Variants in SMAD2 observed in about 807,000 individuals in gnomAD.
SMAD2 encodes SMAD family member 2, also known as MAD homolog 2.
Under a neutral mutation model 64.4 loss-of-function variants are expected in SMAD2, and 8 were observed. That is an observed-to-expected ratio of 0.12 (90% CI 0.07 to 0.22). The LOEUF (loss-of-function observed/expected upper bound fraction) is 0.22. Ranked by LOEUF, SMAD2 falls within the 10% of genes least tolerant of loss-of-function variation. SMAD2 has a pLI of 1.00. For missense variants in SMAD2, 289 were observed against 561.2 expected (o/e 0.51, Z 4.90); for synonymous variants, 203 against 195.8 (o/e 1.04, Z -0.31).
chr18:47,894,600 T>C (rs1338380524), intron 2 of SMAD2, among the ~76,000 whole-genome samples: 1 of 152,130 alleles, frequency 6.6e-6, no homozygotes, highest in Non-Finnish European at 1.5e-5. Flanking sequence ...AATTCCTCCT[T>C]TACCCCGCTC....
intron 1 of SMAD2, among the ~76,000 whole-genome samples, chr18:47,924,200 A>G (rs2034670987): frequency 6.7e-6 from 1 of 148,346 alleles, no homozygotes; most frequent in Admixed American, 6.9e-5. Context: ...GTGAGCCAAG[A>G]TCGCACCACT....
rs1912372397 is a variant in SMAD2 at position 47,816,500 on chromosome 18, CAA to C, written c.*25325_*25326del. On this transcript the variant is annotated 3_prime_UTR_variant, in exon 11 of 11. Coordinates refer to ENST00000262160, the MANE Select transcript of SMAD2 (RefSeq NM_005901.6). ...TAATTTGGCACATTTAATACACGTCCAATATATTTTCTATGTACTGTGAAAGC... is the reference window on the plus strand; with the variant it reads ...TAATTTGGCACATTTAATACACGTCCTATATTTTCTATGTACTGTGAAAGC... The C allele has an allele frequency of 6.6e-6, 1 of 152,080 alleles. No individual in the cohort carries two copies. Among genetic ancestry groups the C allele is most frequent in the Non-Finnish European group, 1.5e-5 (1 of 68,018 alleles). 9.4% of individuals were successfully genotyped at this position (152,080 alleles called of 1,614,324 possible).
At position 47,930,473 on chromosome 18, in the gene SMAD2, A is replaced by T. The variant is rs1167326055; in HGVS notation, c.-166T>A. On this transcript the variant is annotated 5_prime_UTR_variant, in exon 1 of 11. Transcript: ENST00000262160. ...TGGGAGGGGAAGAGGGGAATGGGCG[A>T]TTGGAGGCGGAACTGAAAACACTCC... 6.6e-6 allele frequency: 1 copy of T among 150,792 alleles called. No individual in the cohort carries two copies. Among genetic ancestry groups the T allele is most frequent in the Non-Finnish European group, 1.5e-5 (1 of 67,706 alleles). 9.3% of individuals were successfully genotyped at this position (150,792 alleles called of 1,614,324 possible).
chr18:47,890,843 CT>C (rs1363833514), intron 2 of SMAD2, among the ~76,000 whole-genome samples: 1 of 152,118 alleles, frequency 6.6e-6, no homozygotes, highest in Non-Finnish European at 1.5e-5. Context: ...TGGAAGAATA[CT>C]ACAGTTTGGG....
intron 1 of SMAD2, among the ~76,000 whole-genome samples, chr18:47,900,951 TA>T (rs1247986060): frequency 6.6e-6 from 1 of 152,190 alleles, no homozygotes; most frequent in Non-Finnish European, 1.5e-5. Context: ...AAATCAATGA[TA>T]TTTGCTGAGG....
chr18:47,810,545 C>T lies in SMAD2; in HGVS notation c.*31282G>A, dbSNP rs1415540567. The T allele has an allele frequency of 6.6e-6, 1 of 152,158 alleles. No homozygotes were observed. The highest frequency in any genetic ancestry group is 2.4e-5 in the African/African-American group (1 of 41,428). The allele number at this position is 152,158 out of a possible 1,614,324, so 9.4% of individuals were successfully genotyped here. On this transcript the variant is annotated 3_prime_UTR_variant, in exon 11 of 11. Coordinates refer to ENST00000262160, the MANE Select transcript of SMAD2 (RefSeq NM_005901.6). ...CCTGTGACAGCAAATCAAGGTCCTC[C>T]CAAATAAAAAGTATCTTTTTCCTAC...
In SMAD2 at chr18:47,841,029, ATTACTGGT is replaced by A; in HGVS notation, c.*790_*797del. The stretch of plus-strand genomic sequence containing the variant: ...TGGTGCCAGCAGTATCAATGCAACT[ATTACTGGT>A]GATGATGTCATGTTATGCTGTTTTG... On this transcript the variant is annotated 3_prime_UTR_variant, in exon 11 of 11. Transcript: ENST00000262160. 4.3e-6 allele frequency: 1 copy of A among 232,170 alleles called. No individual in the cohort carries two copies. The highest frequency in any genetic ancestry group is 1.8e-4 in the South Asian group (1 of 5,522). 14.4% of individuals were successfully genotyped at this position (232,170 alleles called of 1,614,324 possible).
chr18:47,855,681 T>C (rs1200832754), intron 6 of SMAD2, among the ~76,000 whole-genome samples: 5 of 152,098 alleles, frequency 3.3e-5, no homozygotes, highest in Non-Finnish European at 5.9e-5. Flanking sequence ...GAGGGCAGTG[T>C]CACAATCTTG....
chr18:47,824,727 C>T lies in SMAD2; in HGVS notation c.*17100G>A, dbSNP rs1912688643. 1 of 152,022 alleles carries T rather than the reference C, an allele frequency of 6.6e-6. No homozygotes were observed. Among genetic ancestry groups the T allele is most frequent in the African/African-American group, 2.4e-5 (1 of 41,382 alleles). 9.4% of individuals were successfully genotyped at this position (152,022 alleles called of 1,614,324 possible). Reference sequence around the variant, plus strand: ...CAGTATACTCAATTTTAAATATAGACAGTATATTTAAAAAAAACATAAAAA... The same window carrying T: ...CAGTATACTCAATTTTAAATATAGATAGTATATTTAAAAAAAACATAAAAA... On this transcript the variant is annotated 3_prime_UTR_variant, in exon 11 of 11. Coordinates refer to ENST00000262160, the MANE Select transcript of SMAD2 (RefSeq NM_005901.6).
rs1243013259 is a variant in SMAD2, at chr18:47,869,868, TGTGATA to T, written c.327-438_327-433del. ...GAAGAATGATAAATACCAACAATGA[TGTGATA>T]GTAACTTCCTCAGACTACTGCAACT... On this transcript the variant is annotated intron_variant, in intron 3 of 10. Coordinates refer to ENST00000262160, the MANE Select transcript of SMAD2 (RefSeq NM_005901.6). 3.3e-5 allele frequency among the ~76,000 whole-genome samples: 5 copies of T among 152,264 alleles called. No individual in the cohort carries two copies. In the East Asian group the frequency reaches 9.7e-4, roughly 29 times the overall value.
At chr18:47,924,869 G>A (rs1006637219) in intron 1 of SMAD2, among the ~76,000 whole-genome samples, 6 of 152,222 alleles carry the variant, frequency 3.9e-5, no homozygotes, top group Non-Finnish European at 8.8e-5. Flanking sequence ...GGAAGTAGCT[G>A]AAGCAGCATA....
chr18:47,845,337 T>C lies in SMAD2; in HGVS notation c.1280+3A>G. On this transcript the variant is annotated splice_donor_region_variant and intron_variant, in intron 10 of 10. Coordinates refer to ENST00000262160, the MANE Select transcript of SMAD2 (RefSeq NM_005901.6). ...ATTTAAGAACCAAATATGTATTTCA[T>C]ACCGGTATTCTGCTCCCCACCCTTT... 1 of 1,613,122 alleles carries C rather than the reference T, an allele frequency of 6.2e-7. No homozygotes were observed. The highest frequency in any genetic ancestry group is 8.5e-7 in the Non-Finnish European group (1 of 1,179,196).
At chr18:47,895,628 A>G (rs1390420757) in intron 2 of SMAD2, 1 of 152,224 alleles carries the variant, frequency 6.6e-6, no homozygotes, top group East Asian at 1.9e-4. Context: ...ATATACATAA[A>G]ACAAGTAAGG....
At chr18:47,865,846 G>A (rs1206324383) in intron 5 of SMAD2, among the ~76,000 whole-genome samples, 3 of 152,226 alleles carry the variant, frequency 2.0e-5, no homozygotes, top group African/African-American at 7.2e-5. Flanking sequence ...GTTCAGAAAG[G>A]TATCTGAATA....
At chr18:47,873,059 T>C (rs543614098) in intron 2 of SMAD2, among the ~76,000 whole-genome samples, 2 of 152,224 alleles carry the variant, frequency 1.3e-5, no homozygotes, top group Admixed American at 6.5e-5. Flanking sequence ...ACAAAGTCTC[T>C]TGAGTCCTGG....
At chr18:47,857,057 C>T (rs1471743438) in intron 6 of SMAD2, among the ~76,000 whole-genome samples, 1 of 151,912 alleles carries the variant, frequency 6.6e-6, no homozygotes, top group Admixed American at 6.6e-5. Context: ...CGGGGTTTCA[C>T]CGTTTTAGCC....
intron 4 of SMAD2, 54 bp downstream of exon 4, chr18:47,869,189 C>A (rs2144376934): frequency 7.6e-7 from 1 of 1,308,446 alleles, no homozygotes. Context: ...CTTAAATATA[C>A]TGAAGTTCAG....
intron 1 of SMAD2, among the ~76,000 whole-genome samples, chr18:47,922,230 G>C (rs1437858822): frequency 2.6e-5 from 4 of 152,148 alleles, no homozygotes; most frequent in African/African-American, 9.7e-5. Context: ...GAAAACCAAA[G>C]TTAATTATTT....
In SMAD2 at chr18:47,824,481, G is replaced by C. The variant is rs373287889; in HGVS notation, c.*17346C>G. 6.6e-6 allele frequency: 1 copy of C among 152,134 alleles called. No individual in the cohort carries two copies. The highest frequency in any genetic ancestry group is 2.4e-5 in the African/African-American group (1 of 41,422). 9.4% of individuals were successfully genotyped at this position (152,134 alleles called of 1,614,324 possible). Reference sequence around the variant, plus strand: ...ATCTTTATCTGTCCTTTAAAAACCTGTCTTCCTTTACCTTCCTGAATACAC... The same window carrying C: ...ATCTTTATCTGTCCTTTAAAAACCTCTCTTCCTTTACCTTCCTGAATACAC... On this transcript the variant is annotated 3_prime_UTR_variant, in exon 11 of 11. Coordinates refer to ENST00000262160, the MANE Select transcript of SMAD2 (RefSeq NM_005901.6).
Sources: allele counts gnomAD v4.1 joint callset (sites outside exome capture counted in the v4.1 genomes callset), GRCh38; gene constraint gnomAD v4.1.1; transcripts MANE v1.5; gene names NCBI Gene and HGNC (gene_info 2026-07-23, HGNC 2026-07-21).